Variants in RNF216 observed in about 807,000 individuals in gnomAD.
RNF216 encodes the protein ring finger protein 216.
In RNF216, 72 loss-of-function variants were observed where a neutral mutation model predicts 110.8. The ratio of observed to expected loss-of-function variants is 0.65; its 90% CI spans 0.54 to 0.79. The LOEUF is 0.79. RNF216 is among the 30% of genes least tolerant of loss of function. RNF216 has a pLI of 0.00. For synonymous variants in RNF216, 495 were observed against 407.5 expected (o/e 1.21, Z -2.59); for missense variants, 1,342 against 1,141.2 (o/e 1.18, Z -2.54).
At position 5,641,163 on chromosome 7, in the gene RNF216, G is replaced by C. The variant is rs1249502527; in HGVS notation, c.2373C>G (p.Thr791=). The C allele has an allele frequency of 3.1e-6, 5 of 1,612,308 alleles. No individual in the cohort carries two copies. The highest frequency in any genetic ancestry group is 1.1e-5 in the South Asian group (1 of 91,036). Residue 791 remains threonine (T), a synonymous_variant, in exon 15 of 17, where the codon ACC becomes ACG. Transcript: ENST00000389902. Reference sequence around the variant, plus strand: ...CCATGTGTCTACTTACAGTGGGATCGGTCCAGAGAGAGCATCTTGAACACT... The same window carrying C: ...CCATGTGTCTACTTACAGTGGGATCCGTCCAGAGAGAGCATCTTGAACACT... ...CQECSRCSLW[T]DPTEDDEKLI...
chr7:5,697,300 C>A (rs1791690627), intron 13 of RNF216, among the ~76,000 whole-genome samples: 1 of 152,362 alleles, frequency 6.6e-6, no homozygotes, highest in African/African-American at 2.4e-5. Context: ...CACTGATGGT[C>A]AGTTAGGGCC....
intron 13 of RNF216, among the ~76,000 whole-genome samples, chr7:5,689,959 A>T (rs1480009534): frequency 6.6e-6 from 1 of 150,390 alleles, no homozygotes; most frequent in African/African-American, 2.4e-5. Flanking sequence ...AACAGAAAAG[A>T]GAAGAGAAGA....
chr7:5,645,684 G>A (rs1174261736), intron 14 of RNF216, among the ~76,000 whole-genome samples: 4 of 151,802 alleles, frequency 2.6e-5, no homozygotes, highest in South Asian at 2.1e-4. Context: ...TCCATCTGCC[G>A]GGTTCAAATG....
intron 13 of RNF216, among the ~76,000 whole-genome samples, chr7:5,710,176 A>G (rs538688194): frequency 9.8e-5 from 15 of 152,320 alleles, no homozygotes; most frequent in African/African-American, 2.9e-4. Context: ...CCTGGCCAAC[A>G]TGGTGAAACC....
intron 1 of RNF216, among the ~76,000 whole-genome samples, chr7:5,767,638 C>A (rs1391769288): frequency 6.6e-6 from 1 of 150,762 alleles, no homozygotes; most frequent in Non-Finnish European, 1.5e-5. Context: ...TTTTGCTCTG[C>A]CACCCAGGCT....
At chr7:5,726,043 G>A (rs1402829069) in intron 7 of RNF216, among the ~76,000 whole-genome samples, 10 of 152,144 alleles carry the variant, frequency 6.6e-5, no homozygotes, top group Non-Finnish European at 7.4e-5. Context: ...GTGGGAGGAT[G>A]ACGGGGGTGG....
At chr7:5,748,248 G>C (rs1385857586) in intron 3 of RNF216, among the ~76,000 whole-genome samples, 1 of 152,170 alleles carries the variant, frequency 6.6e-6, no homozygotes, top group East Asian at 1.9e-4. Context: ...AACTGTCTTT[G>C]TGCCCTACAG....
chr7:5,743,820 C>G (rs958862105), intron 3 of RNF216, among the ~76,000 whole-genome samples: 3 of 152,188 alleles, frequency 2.0e-5, no homozygotes, highest in African/African-American at 7.2e-5. Flanking sequence ...AAGGGCCAAG[C>G]TGGAAATACC....
At position 5,641,283 on chromosome 7, in the gene RNF216, G is replaced by A. The variant is rs150148326; in HGVS notation, c.2253C>T (p.Arg751=). The change falls in exon 15 of 17, where the codon CGC becomes CGT. Residue 751 remains arginine (R), a synonymous_variant. Transcript: ENST00000389902. ...AGAGGTAGCACATCTGGGCACCACA[G>A]CGGCAAGACATGCGGTTGCAGCCTT... ...KSEGCNRMSC[R]CGAQMCYLCR... 5.9e-5 allele frequency: 96 copies of A among 1,614,150 alleles called. No homozygotes were observed. The African/African-American group carries it at 1.2e-3, about 20-fold the overall frequency.
chr7:5,765,734 G>A (rs1796170219), intron 1 of RNF216, among the ~76,000 whole-genome samples: 2 of 150,830 alleles, frequency 1.3e-5, no homozygotes, highest in African/African-American at 2.4e-5. Flanking sequence ...CCTGAGCTCA[G>A]GAGTTTGCCA....
chr7:5,633,045 T>C (rs1787172860), intron 15 of RNF216, among the ~76,000 whole-genome samples: 1 of 151,748 alleles, frequency 6.6e-6, no homozygotes, highest in Admixed American at 6.5e-5. Flanking sequence ...AGTGGTGCGA[T>C]CTCTGCTCAC....
At chr7:5,669,087 C>T (rs1056733799) in intron 13 of RNF216, among the ~76,000 whole-genome samples, 1 of 152,114 alleles carries the variant, frequency 6.6e-6, no homozygotes, top group Admixed American at 6.6e-5. Context: ...CTACAGATGG[C>T]CCCCCTTGGT....
chr7:5,652,329 C>G (rs1046156356), intron 14 of RNF216, 84 bp downstream of exon 14: 8 of 984,124 alleles, frequency 8.1e-6, no homozygotes, highest in Non-Finnish European at 1.3e-5. Context: ...GTTCTTCCGA[C>G]AACAGTATGC....
rs2128618065 is a variant in RNF216, at chr7:5,696,817, A to C, written c.2061+14944T>G. Among the ~76,000 whole-genome samples the C allele has an allele frequency of 6.6e-6, 1 of 152,306 alleles. No homozygotes were observed. Among genetic ancestry groups the C allele is most frequent in the South Asian group, 2.1e-4 (1 of 4,832 alleles). The stretch of plus-strand genomic sequence containing the variant: ...GGCTGTAGGAGGACGGCATGTCCCC[A>C]GGTTACTAGAAATGACTTGCCATAG... On this transcript the variant is annotated intron_variant, in intron 13 of 16. Coordinates refer to ENST00000389902, the MANE Select transcript of RNF216 (RefSeq NM_207111.4). The surrounding 1 kb of genome is among the most constrained non-coding windows in gnomAD (Gnocchi z 5.4).
At chr7:5,660,744 A>G (rs528922646) in intron 13 of RNF216, among the ~76,000 whole-genome samples, 159 of 151,136 alleles carry the variant, frequency 1.1e-3, no homozygotes, top group Middle Eastern at 3.4e-3. Flanking sequence ...TGCCTGGCTA[A>G]TTTTTTGTAG....
intron 9 of RNF216, among the ~76,000 whole-genome samples, chr7:5,717,186 T>C (rs140612587): frequency 0.02 from 3,022 of 152,156 alleles, 46 homozygotes; most frequent in Non-Finnish European, 0.032. Context: ...AAACCCCATC[T>C]CTACTAAAAA....
intron 2 of RNF216, chr7:5,760,581 T>C (rs980099540): frequency 7.5e-5 from 21 of 281,458 alleles, no homozygotes; most frequent in Non-Finnish European, 1.3e-4. Flanking sequence ...AAAATTCCCC[T>C]CAAGGCTAAG....
intron 2 of RNF216, among the ~76,000 whole-genome samples, chr7:5,755,033 A>T (rs1584580726): frequency 7.0e-6 from 1 of 142,662 alleles, no homozygotes; most frequent in Non-Finnish European, 1.5e-5. Context: ...ATCTCAGGCT[A>T]AAAAAAAAAA....
chr7:5,720,937 A>G, intron 9 of RNF216, 96 bp downstream of exon 9: 1 of 1,234,308 alleles, frequency 8.1e-7, no homozygotes, highest in Non-Finnish European at 1.1e-6. Context: ...GTCTGAAGAA[A>G]AGGGAAATCT....
Sources: gnomAD v4.1 joint callset for allele counts (sites outside exome capture counted in the v4.1 genomes callset) on GRCh38, gnomAD v4.1.1 for gene constraint, Gnocchi (gnomAD v3.1) non-coding constraint, MANE v1.5 for transcripts, NCBI Gene and HGNC (gene_info 2026-07-23, HGNC 2026-07-21) for gene names.